RPGRIP1L: variants seen among roughly 807,000 people sequenced by gnomAD.
RPGRIP1L encodes RPGRIP1 like.
A neutral mutation model predicts 160.4 loss-of-function variants in RPGRIP1L; 131 were observed. The ratio of observed to expected loss-of-function variants is 0.82; its 90% CI spans 0.71 to 0.94. The LOEUF (loss-of-function observed/expected upper bound fraction) is 0.94, where lower values mean the gene tolerates loss of function less well. Ranked by LOEUF, RPGRIP1L falls within the 40% of genes least tolerant of loss-of-function variation. RPGRIP1L has a pLI of 0.00. For synonymous variants in RPGRIP1L, 510 were observed against 515.8 expected (o/e 0.99, Z 0.15); for missense variants, 1,522 against 1,535.8 (o/e 0.99, Z 0.15).
Position 53,652,581 on chromosome 16 carries a change from T to C in RPGRIP1L, c.2106A>G (p.Glu702=). Residue 702 remains glutamate, a synonymous_variant, in exon 15 of 27, where the codon GAA becomes GAG. Coordinates refer to ENST00000647211, the MANE Select transcript of RPGRIP1L (RefSeq NM_015272.5). ...TIAACQLKFH[E]ILEKSGRIFC... The stretch of plus-strand genomic sequence containing the variant: ...ATATTCGGCCGCTTTTTTCAAGAAT[T>C]TCGTGAAATTTTAATTGACATGCTG... The C allele has an allele frequency of 6.2e-7, 1 of 1,614,120 alleles. No homozygotes were observed. The highest frequency in any genetic ancestry group is 8.5e-7 in the Non-Finnish European group (1 of 1,180,004).
rs794727193 is a variant in RPGRIP1L at position 53,645,869 on chromosome 16, T to C, written c.2439A>G (p.Pro813=). The change falls in exon 17 of 27, where the codon CCA becomes CCG. Residue 813 remains proline, a synonymous_variant. Transcript: ENST00000647211. ...AATCAAAAAACTTGTACACAACATA[T>C]GGGTGTGGCTGCAGGTGGCTTGCTC... ...QSRASHLQPH[P]YVVYKFFDFA... is the part of the protein sequence containing the mutation. 4.3e-6 allele frequency: 7 copies of C among 1,614,082 alleles called. No individual in the cohort carries two copies. The highest frequency in any genetic ancestry group is 5.9e-6 in the Non-Finnish European group (7 of 1,180,002).
At chr16:53,660,057 T>A (rs1321856025) in intron 10 of RPGRIP1L, among the ~76,000 whole-genome samples, 2 of 152,232 alleles carry the variant, frequency 1.3e-5, no homozygotes, top group Admixed American at 6.5e-5. Flanking sequence ...AGCAAATTCA[T>A]AAAGAGACTA....
intron 6 of RPGRIP1L, among the ~76,000 whole-genome samples, chr16:53,684,097 A>G (rs12597888): frequency 0.22 from 33,713 of 152,020 alleles, 5,308 homozygotes; most frequent in East Asian, 0.44. Flanking sequence ...GAAACAACAG[A>G]TGCTGGAGAG....
intron 2 of RPGRIP1L, among the ~76,000 whole-genome samples, chr16:53,697,475 C>T (rs1266554024): frequency 6.6e-6 from 1 of 152,174 alleles, no homozygotes; most frequent in African/African-American, 2.4e-5. Flanking sequence ...GATTCTCCTG[C>T]CTCAGCCTGC....
intron 22 of RPGRIP1L, among the ~76,000 whole-genome samples, chr16:53,631,939 CT>C (rs1965547061): frequency 6.6e-6 from 1 of 152,112 alleles, no homozygotes; most frequent in African/African-American, 2.4e-5. Flanking sequence ...TTTATGTAGC[CT>C]GTTAAAAAAG....
intron 25 of RPGRIP1L, among the ~76,000 whole-genome samples, chr16:53,606,890 A>G (rs1483352375): frequency 6.6e-6 from 1 of 152,244 alleles, no homozygotes; most frequent in Non-Finnish European, 1.5e-5. Context: ...ATGGGATTAC[A>G]GGCGTGAGTC....
chr16:53,664,196 CTTCTT>C (rs996607054), intron 10 of RPGRIP1L, among the ~76,000 whole-genome samples: 1 of 152,190 alleles, frequency 6.6e-6, no homozygotes, highest in African/African-American at 2.4e-5. Flanking sequence ...AAAATTCAGA[CTTCTT>C]TAATTATAAT....
At position 53,638,423 on chromosome 16, in the gene RPGRIP1L, G is replaced by A; in HGVS notation, c.2959-12C>T. 7.6e-7 allele frequency: 1 copy of A among 1,314,408 alleles called. No individual in the cohort carries two copies. The allele number at this position is 1,314,408 out of a possible 1,614,324, so 81.4% of individuals were successfully genotyped here. On this transcript the variant is annotated splice_polypyrimidine_tract_variant and intron_variant, in intron 19 of 26. Coordinates refer to ENST00000647211, the MANE Select transcript of RPGRIP1L (RefSeq NM_015272.5). ...GGAGGAGAAGTCTCCTTATATTAAT[G>A]TGAAAACACGCATGTATGTCATTTT...
Position 53,689,321 on chromosome 16 carries a change from A to G in RPGRIP1L, c.530-1356T>C, listed in dbSNP as rs1258262568. On this transcript the variant is annotated intron_variant, in intron 4 of 26. Transcript: ENST00000647211. ...TTGCCTATACAGTCTACTGTGCTATAAAACACTAGAACTTTTTCTTATTTT... is the reference window on the plus strand; with the variant it reads ...TTGCCTATACAGTCTACTGTGCTATGAAACACTAGAACTTTTTCTTATTTT... Among the ~76,000 whole-genome samples, 3 of 152,026 alleles carry G rather than the reference A, an allele frequency of 2.0e-5. No individual in the cohort carries two copies. In the East Asian group the frequency reaches 5.8e-4, roughly 29 times the overall value.
chr16:53,648,776 G>A lies in RPGRIP1L; in HGVS notation c.2304+188C>T, dbSNP rs1966756523. On this transcript the variant is annotated intron_variant, in intron 16 of 26. Coordinates refer to ENST00000647211, the MANE Select transcript of RPGRIP1L (RefSeq NM_015272.5). ...AGACGTTACAATTAGGAGAAATTGG[G>A]TTAAGGTTACAGGGGATCTCTTTGT... Among the ~76,000 whole-genome samples, 3 of 151,596 alleles carry A rather than the reference G, an allele frequency of 2.0e-5. No individual in the cohort carries two copies. In the East Asian group the frequency reaches 5.8e-4, roughly 29 times the overall value.
At position 53,622,288 on chromosome 16, in the gene RPGRIP1L, C is replaced by T. The variant is rs1269019830; in HGVS notation, c.3363G>A (p.Pro1121=). Residue 1121 remains proline, a synonymous_variant, in exon 23 of 27, where the codon CCG becomes CCA. Transcript: ENST00000647211. ...CTGAGGCAGGAAAATCGCTGGAACC[C>T]GGGAGGCGGAAGTTGCAGTGAGCTG... ...AISAHCNFRL[P]GSSDFPASAS... is the part of the protein sequence containing the mutation. The T allele has an allele frequency of 3.2e-5, 21 of 654,384 alleles. No homozygotes were observed. Among genetic ancestry groups the T allele is most frequent in the Non-Finnish European group, 4.8e-5 (17 of 356,100 alleles). 40.5% of individuals were successfully genotyped at this position (654,384 alleles called of 1,614,324 possible).
intron 17 of RPGRIP1L, among the ~76,000 whole-genome samples, chr16:53,645,036 A>G (rs1391414296): frequency 1.3e-5 from 2 of 152,218 alleles, no homozygotes; most frequent in East Asian, 3.8e-4. Flanking sequence ...AAGACCAAAT[A>G]TATGGTGACA....
intron 24 of RPGRIP1L, among the ~76,000 whole-genome samples, chr16:53,614,386 G>A (rs1460440421): frequency 6.6e-6 from 1 of 152,106 alleles, no homozygotes; most frequent in Non-Finnish European, 1.5e-5. Flanking sequence ...TTATTGAGTT[G>A]TATTCCCAGA....
chr16:53,632,672 TA>T (rs1965594220), intron 22 of RPGRIP1L, among the ~76,000 whole-genome samples: 1 of 152,186 alleles, frequency 6.6e-6, no homozygotes, highest in Admixed American at 6.5e-5. Flanking sequence ...TCCCTAAGCA[TA>T]CCATAATAGG....
intron 4 of RPGRIP1L, among the ~76,000 whole-genome samples, chr16:53,691,302 T>G (rs1478877252): frequency 5.8e-4 from 89 of 152,198 alleles, no homozygotes; most frequent in Non-Finnish European, 1.2e-4. Flanking sequence ...GTGGTTCCAT[T>G]ATAATAAAGT....
At chr16:53,685,369 G>A (rs1002837085) in intron 6 of RPGRIP1L, among the ~76,000 whole-genome samples, 5 of 152,128 alleles carry the variant, frequency 3.3e-5, no homozygotes, top group Admixed American at 6.6e-5. Flanking sequence ...ATACCTAAAG[G>A]AATATAAATC....
intron 6 of RPGRIP1L, among the ~76,000 whole-genome samples, chr16:53,682,396 G>C (rs1969675961): frequency 6.6e-6 from 1 of 152,130 alleles, no homozygotes; most frequent in Non-Finnish European, 1.5e-5. Flanking sequence ...GGTGTCTCTT[G>C]TTGGTAATAT....
Position 53,598,201 on chromosome 16 carries a change from C to T in RPGRIP1L, c.*3875G>A, listed in dbSNP as rs889380279. ...ATTTAAAAAGAAAACAAATGGTGCACAGTGAAGACAGAGGTAATGCTGTTC... is the reference window on the plus strand; with the variant it reads ...ATTTAAAAAGAAAACAAATGGTGCATAGTGAAGACAGAGGTAATGCTGTTC... On this transcript the variant is annotated 3_prime_UTR_variant, in exon 27 of 27. Coordinates refer to ENST00000647211, the MANE Select transcript of RPGRIP1L (RefSeq NM_015272.5). 5.3e-5 allele frequency: 8 copies of T among 152,062 alleles called. No homozygotes were observed. The highest frequency in any genetic ancestry group is 1.7e-4 in the African/African-American group (7 of 41,410). 9.4% of individuals were successfully genotyped at this position (152,062 alleles called of 1,614,324 possible). A position where few individuals can be genotyped will look rare whatever the true frequency, so the allele number is the denominator to read the frequency against.
Position 53,623,882 on chromosome 16 carries a change from A to G in RPGRIP1L, c.3295-1526T>C, listed in dbSNP as rs551281762. ...AAATAGTGGAGACTGTGTATCTTTT[A>G]TATATTCAGAATATCTTTTTTTATT... On this transcript the variant is annotated intron_variant, in intron 22 of 26. Transcript: ENST00000647211. 1.1e-4 allele frequency among the ~76,000 whole-genome samples: 17 copies of G among 152,244 alleles called. No individual in the cohort carries two copies. In the South Asian group the frequency reaches 2.7e-3, roughly 24 times the overall value.
Sources: allele counts gnomAD v4.1 joint callset (sites outside exome capture counted in the v4.1 genomes callset), GRCh38; gene constraint gnomAD v4.1.1; transcripts MANE v1.5; gene names NCBI Gene and HGNC (gene_info 2026-07-23, HGNC 2026-07-21).